MAD1L1: variants seen among roughly 807,000 people sequenced by gnomAD.
MAD1L1 encodes mitotic spindle assembly checkpoint protein MAD1.
MAD1L1 carries 95 observed loss-of-function variants against 96.9 expected under a neutral mutation model. The ratio of observed to expected loss-of-function variants is 0.98; its 90% CI spans 0.83 to 1.16. The LOEUF (loss-of-function observed/expected upper bound fraction) is 1.16, where lower values mean the gene tolerates loss of function less well. Among genes scored for constraint, MAD1L1 ranks in the 50% most tolerant of loss-of-function variants. The probability of loss-of-function intolerance (pLI) is 0.00; values close to 1 mark genes in which losing one functional copy is unlikely to be tolerated. For synonymous variants in MAD1L1, 473 were observed against 396.6 expected, an observed-to-expected ratio of 1.19 and a Z score of -2.29; for missense variants, 1,007 against 954.4, an observed-to-expected ratio of 1.06 and a Z score of -0.73.
At chr7:1,842,976 G>A (rs1246802356) in intron 18 of MAD1L1, among the ~76,000 whole-genome samples, 1 of 152,242 alleles carries the variant, frequency 6.6e-6, no homozygotes. Flanking sequence ...CTTCAAGTGA[G>A]GCCCACAGTG....
intron 18 of MAD1L1, among the ~76,000 whole-genome samples, chr7:1,874,292 C>T: frequency 6.6e-6 from 1 of 152,154 alleles, no homozygotes; most frequent in East Asian, 1.9e-4. Context: ...CGTGTCATCG[C>T]ACGGCCAGGC....
chr7:1,876,076 G>A lies in MAD1L1; in HGVS notation c.1998+22124C>T, dbSNP rs1041839674. Among the ~76,000 whole-genome samples the A allele has an allele frequency of 6.6e-5, 10 of 152,142 alleles. No homozygotes were observed. The East Asian group carries it at 1.2e-3, about 18-fold the overall frequency. ...ACGTTTGCGGTCTCAGCCCCCCGCC[G>A]TGGGGCTCTGTGACGGCAACCCCAG... On this transcript the variant is annotated intron_variant, in intron 18 of 18. Transcript: ENST00000265854.
intron 11 of MAD1L1, among the ~76,000 whole-genome samples, chr7:2,105,680 AC>A (rs990759149): frequency 6.6e-6 from 1 of 152,006 alleles, no homozygotes; most frequent in African/African-American, 2.4e-5. Flanking sequence ...GCCCTGCTTT[AC>A]CTGGTGGCCT....
chr7:1,903,541 C>A lies in MAD1L1; in HGVS notation c.1808-5151G>T, dbSNP rs535658140. On this transcript the variant is annotated intron_variant, in intron 17 of 18. Coordinates refer to ENST00000265854, the MANE Select transcript of MAD1L1 (RefSeq NM_001013836.2). The stretch of plus-strand genomic sequence containing the variant: ...CGAGGACGCAGTGGCCTATGGAAGA[C>A]GCTCTTGCAGAATTCATGATTGATG... 1.4e-5 allele frequency among the ~76,000 whole-genome samples: 2 copies of A among 138,880 alleles called. 1 individual carries two copies. Among genetic ancestry groups the A allele is most frequent in the African/African-American group, 5.9e-5 (2 of 33,964 alleles). 91.1% of individuals were successfully genotyped at this position (138,880 alleles called of 152,430 possible). A position where few individuals can be genotyped will look rare whatever the true frequency, so the allele number is the denominator to read the frequency against.
At chr7:2,007,398 AG>A (rs1321227801) in intron 13 of MAD1L1, among the ~76,000 whole-genome samples, 1 of 152,234 alleles carries the variant, frequency 6.6e-6, no homozygotes, top group Non-Finnish European at 1.5e-5. Context: ...TTAAGAAGTT[AG>A]GGCCCGGCCC....
At chr7:2,163,933 A>T (rs1790292578) in intron 10 of MAD1L1, among the ~76,000 whole-genome samples, 1 of 152,058 alleles carries the variant, frequency 6.6e-6, no homozygotes, top group Non-Finnish European at 1.5e-5. Context: ...TCCCAAGCAT[A>T]AAGAGGCAGC....
chr7:1,940,996 C>T (rs1017516625), intron 16 of MAD1L1, among the ~76,000 whole-genome samples: 2 of 151,376 alleles, frequency 1.3e-5, no homozygotes, highest in African/African-American at 2.4e-5. Context: ...TCTCCCAGGC[C>T]TCAGCCTCCT....
chr7:2,212,424 G>A (rs1036726438), intron 10 of MAD1L1, among the ~76,000 whole-genome samples: 2 of 152,170 alleles, frequency 1.3e-5, no homozygotes, highest in African/African-American at 4.8e-5. Flanking sequence ...ATGTTGAATT[G>A]TAATCCCCAG....
chr7:2,062,792 C>T (rs1390012882), intron 12 of MAD1L1, among the ~76,000 whole-genome samples: 2 of 152,126 alleles, frequency 1.3e-5, no homozygotes, highest in Non-Finnish European at 2.9e-5. Context: ...TGTGCAGCAC[C>T]CACCGCAGGA....
intron 17 of MAD1L1, among the ~76,000 whole-genome samples, chr7:1,919,751 G>T (rs1229982850): frequency 3.9e-5 from 6 of 152,236 alleles, no homozygotes; most frequent in African/African-American, 1.4e-4. Flanking sequence ...ATGGCTGCTG[G>T]TGCAGAGCTG....
At chr7:1,883,466 G>A (rs1785813700) in intron 18 of MAD1L1, among the ~76,000 whole-genome samples, 1 of 152,178 alleles carries the variant, frequency 6.6e-6, no homozygotes, top group Non-Finnish European at 1.5e-5. Context: ...ATGCCCGCAG[G>A]ATGCCCATTT....
At chr7:2,160,429 T>G (rs538387629) in intron 10 of MAD1L1, among the ~76,000 whole-genome samples, 2 of 145,678 alleles carry the variant, frequency 1.4e-5, no homozygotes, top group East Asian at 4.2e-4. Flanking sequence ...GCCTCCTGGG[T>G]TCACACCATT....
intron 12 of MAD1L1, among the ~76,000 whole-genome samples, chr7:2,039,210 T>G (rs1783572626): frequency 6.6e-6 from 1 of 152,242 alleles, no homozygotes; most frequent in South Asian, 2.1e-4. Flanking sequence ...GAATTCCTTC[T>G]TAGTCCTGAG....
intron 12 of MAD1L1, among the ~76,000 whole-genome samples, chr7:2,020,315 T>G (rs4721313): frequency 6.6e-6 from 1 of 152,166 alleles, no homozygotes; most frequent in African/African-American, 2.4e-5. Flanking sequence ...GGCCCGAGAT[T>G]GCTATCCACA....
intron 16 of MAD1L1, 50 bp downstream of exon 16, chr7:1,957,579 G>T (rs772122154): frequency 2.5e-6 from 4 of 1,572,968 alleles, no homozygotes; most frequent in East Asian, 2.2e-5. Context: ...GACGCCCAAA[G>T]AAATGAGAGG....
chr7:2,138,600 C>A lies in MAD1L1; in HGVS notation c.1073+10552G>T, dbSNP rs922825659. On this transcript the variant is annotated intron_variant, in intron 11 of 18. Transcript: ENST00000265854. ...GCCGGAGGGGAAGCAGCAGATGGGG[C>A]CTCCCCCGCTCTCAAGGCCACACCG... is the stretch of plus-strand genomic sequence containing the variant. 3.9e-5 allele frequency among the ~76,000 whole-genome samples: 6 copies of A among 152,282 alleles called. No individual in the cohort carries two copies. In the South Asian group the frequency reaches 8.3e-4, roughly 21 times the overall value.
rs543785495 is a variant in MAD1L1 at position 1,926,768 on chromosome 7, A to G, written c.1807+9919T>C. Among the ~76,000 whole-genome samples the G allele has an allele frequency of 4.5e-4, 69 of 152,378 alleles. 2 individuals carry two copies. Among genetic ancestry groups the G allele is most frequent in the African/African-American group, 1.7e-3 (69 of 41,592 alleles). On this transcript the variant is annotated intron_variant, in intron 17 of 18. Coordinates refer to ENST00000265854, the MANE Select transcript of MAD1L1 (RefSeq NM_001013836.2). ...GAAAAACCACAAATAAACTGCAGCT[A>G]GCAGCACGCCTCATGGAGGAGGATG...
intron 11 of MAD1L1, among the ~76,000 whole-genome samples, chr7:2,092,011 AG>A (rs1387097657): frequency 6.6e-6 from 1 of 152,232 alleles, no homozygotes; most frequent in East Asian, 1.9e-4. Context: ...GCCCACAGAC[AG>A]GGCCATCAGG....
At chr7:1,827,467 G>C (rs59347657) in intron 18 of MAD1L1, among the ~76,000 whole-genome samples, 9,009 of 48,288 alleles carry the variant, frequency 0.19, 1,049 homozygotes, top group African/African-American at 0.2. Context: ...TGAGCCCGTC[G>C]CGGGTGTGGG....
Sources: gnomAD v4.1 joint callset for allele counts (sites outside exome capture counted in the v4.1 genomes callset) on GRCh38, gnomAD v4.1.1 for gene constraint, MANE v1.5 for transcripts, NCBI Gene and HGNC (gene_info 2026-07-23, HGNC 2026-07-21) for gene names.